Variants in PKP2 observed in about 807,000 individuals in gnomAD.
PKP2 encodes the protein plakophilin-2.
In PKP2, 73 loss-of-function variants were observed where a neutral mutation model predicts 83.4. The ratio of observed to expected loss-of-function variants is 0.88; its 90% CI spans 0.72 to 1.06. The LOEUF (loss-of-function observed/expected upper bound fraction) is 1.06, where lower values mean the gene tolerates loss of function less well. PKP2 is among the 50% of genes least tolerant of loss of function. PKP2 has a pLI of 0.00. For missense variants in PKP2, 966 were observed against 1,065.4 expected (o/e 0.91, Z 1.30); for synonymous variants, 409 against 430.4 (o/e 0.95, Z 0.62).
chr12:32,850,016 G>A (rs942595164), intron 5 of PKP2, among the ~76,000 whole-genome samples: 2 of 152,210 alleles, frequency 1.3e-5, no homozygotes, highest in Non-Finnish European at 2.9e-5. Context: ...ACAACTGGGT[G>A]TGGTTCTTGT....
chr12:32,892,239 T>G (rs1024260984), intron 1 of PKP2, among the ~76,000 whole-genome samples: 5 of 152,116 alleles, frequency 3.3e-5, no homozygotes, highest in African/African-American at 1.2e-4. Context: ...GTCTAACTTT[T>G]TTTTAACAGT....
At chr12:32,796,004 A>G (rs998057265) in intron 11 of PKP2, 105 bp downstream of exon 11, 9 of 1,023,478 alleles carry the variant, frequency 8.8e-6, no homozygotes, top group South Asian at 5.1e-5. Context: ...GTTTGCTGCC[A>G]TGTTGCACAT....
intron 4 of PKP2, among the ~76,000 whole-genome samples, chr12:32,859,293 G>C (rs1213680240): frequency 6.6e-6 from 1 of 152,144 alleles, no homozygotes; most frequent in Non-Finnish European, 1.5e-5. Context: ...ACTAGGATTT[G>C]AACTCAGATG....
intron 6 of PKP2, among the ~76,000 whole-genome samples, chr12:32,831,095 A>G (rs1280955541): frequency 6.6e-6 from 1 of 152,218 alleles, no homozygotes; most frequent in African/African-American, 2.4e-5. Context: ...ACAGCAAACT[A>G]TAATTTTAAA....
intron 4 of PKP2, among the ~76,000 whole-genome samples, chr12:32,862,354 T>C (rs963624130): frequency 1.3e-5 from 2 of 152,112 alleles, no homozygotes; most frequent in Admixed American, 6.5e-5. Context: ...TTAAAAAAAA[T>C]TCTTCAGGTA....
intron 1 of PKP2, among the ~76,000 whole-genome samples, chr12:32,884,305 T>C (rs1389277067): frequency 6.6e-6 from 1 of 152,024 alleles, no homozygotes; most frequent in Non-Finnish European, 1.5e-5. Flanking sequence ...ATGACAAAAA[T>C]TAGCCGGGCG....
rs187424693 is a variant in PKP2, at chr12:32,839,565, G to A, written c.1556+1463C>T. Among the ~76,000 whole-genome samples the A allele has an allele frequency of 2.1e-3, 318 of 152,000 alleles. 4 individuals are homozygous for A. The highest frequency in any genetic ancestry group is 7.5e-3 in the African/African-American group (310 of 41,484). ...AATTCTGTCCCAAAAAGGGAATACG[G>A]TCATGGTTCCTGGTATACTTCCTTC... On this transcript the variant is annotated intron_variant, in intron 6 of 12. Transcript: ENST00000340811.
chr12:32,896,602 T>C lies in PKP2; in HGVS notation c.130A>G (p.Ser44Gly). Reference sequence around the variant, plus strand: ...TTGACTGTCTGGCCGCCGCGGCCGCTGCTCCCCGCCAGCTTCAGCTTGGCC... The same window carrying C: ...TTGACTGTCTGGCCGCCGCGGCCGCCGCTCCCCGCCAGCTTCAGCTTGGCC... ...SEAKLKLAGS[S>G]GRGGQTVKSL... is the part of the protein sequence containing the mutation. The change falls in exon 1 of 13, where the codon AGC becomes GGC. Residue 44 changes from serine (S) to glycine (G), a missense_variant. Ser to Gly is a moderately conservative substitution (Grantham distance 56). Transcript: ENST00000340811. The C allele has an allele frequency of 6.3e-7, 1 of 1,585,344 alleles. No homozygotes were observed. The highest frequency in any genetic ancestry group is 8.5e-7 in the Non-Finnish European group (1 of 1,175,038).
intron 4 of PKP2, among the ~76,000 whole-genome samples, chr12:32,857,311 A>C (rs1283175578): frequency 3.3e-5 from 5 of 152,152 alleles, no homozygotes; most frequent in Non-Finnish European, 7.3e-5. Flanking sequence ...CTGTAGTCTC[A>C]GCTACTCGGG....
chr12:32,815,249 T>A (rs1171877286), intron 9 of PKP2, among the ~76,000 whole-genome samples: 6 of 152,198 alleles, frequency 3.9e-5, no homozygotes, highest in African/African-American at 1.2e-4. Context: ...AACCCTTTCA[T>A]GACTCTTCAT....
rs141438322 is a variant in PKP2, at chr12:32,878,416, C to G, written c.464G>C (p.Ser155Thr). ...GTGCGTGTAGTGAGCCCTCTCCGGG[C>G]TGCTGTCAGGAGAAATCTCCAGTCT... is the stretch of plus-strand genomic sequence containing the variant. ...LRRLEISPDS[S>T]PERAHYTHSD... Residue 155 changes from serine to threonine, a missense_variant, in exon 3 of 13, where the codon AGC becomes ACC. By Grantham distance (58) the Ser-to-Thr change is moderately conservative. Transcript: ENST00000340811. 4.9e-5 allele frequency: 79 copies of G among 1,613,980 alleles called. No individual in the cohort carries two copies. The Middle Eastern group carries it at 2.0e-3, about 40-fold the overall frequency.
At chr12:32,855,963 A>T (rs533302338) in intron 4 of PKP2, among the ~76,000 whole-genome samples, 37 of 151,542 alleles carry the variant, frequency 2.4e-4, no homozygotes, top group Middle Eastern at 3.4e-3. Flanking sequence ...CGAAATAAAA[A>T]TTTTTTTTTG....
intron 1 of PKP2, among the ~76,000 whole-genome samples, chr12:32,880,723 G>A (rs1465593602): frequency 1.3e-5 from 2 of 152,090 alleles, no homozygotes; most frequent in East Asian, 1.9e-4. Flanking sequence ...TGTCTGAGGA[G>A]GGGGGAGTGG....
At chr12:32,874,707 T>C (rs1000554625) in intron 3 of PKP2, among the ~76,000 whole-genome samples, 1 of 152,142 alleles carries the variant, frequency 6.6e-6, no homozygotes, top group African/African-American at 2.4e-5. Context: ...AATTTATATT[T>C]CATTTCTCCT....
At chr12:32,819,503 T>C (rs7138966) in intron 9 of PKP2, among the ~76,000 whole-genome samples, 110,978 of 151,706 alleles carry the variant, frequency 0.73, 41,557 homozygotes, top group Non-Finnish European at 0.82. Flanking sequence ...TGACTTGGGC[T>C]CTTTATGGAC....
chr12:32,892,188 C>G (rs959901174), intron 1 of PKP2, among the ~76,000 whole-genome samples: 7 of 152,008 alleles, frequency 4.6e-5, no homozygotes, highest in African/African-American at 7.3e-5. Flanking sequence ...TCCTGGGATT[C>G]CTTTTTGTCA....
intron 11 of PKP2, chr12:32,792,972 C>T: frequency 2.0e-6 from 1 of 490,168 alleles, no homozygotes; most frequent in South Asian, 2.0e-5. Context: ...GTTTATAGGC[C>T]AGGTGGGGTG....
intron 3 of PKP2, among the ~76,000 whole-genome samples, chr12:32,874,533 C>A (rs918699515): frequency 6.6e-6 from 1 of 152,098 alleles, no homozygotes; most frequent in Non-Finnish European, 1.5e-5. Flanking sequence ...ATTTCTTACT[C>A]ATTATTTTTA....
At chr12:32,858,134 T>TA (rs1956771156) in intron 4 of PKP2, among the ~76,000 whole-genome samples, 1 of 93,776 alleles carries the variant, frequency 1.1e-5, no homozygotes, top group African/African-American at 4.6e-5. Context: ...TATTTTATAT[T>TA]TATATATATA....
Sources: allele counts gnomAD v4.1 joint callset (sites outside exome capture counted in the v4.1 genomes callset), GRCh38; gene constraint gnomAD v4.1.1; transcripts MANE v1.5; gene names NCBI Gene and HGNC (gene_info 2026-07-23, HGNC 2026-07-21).